The following ANKRD31 variants were observed in gnomAD, a reference collection of about 807,000 sequenced individuals.
ANKRD31 encodes the protein ankyrin repeat domain-containing protein 31.
A neutral mutation model predicts 186.0 loss-of-function variants in ANKRD31; 147 were observed. That is an observed-to-expected ratio of 0.79 (90% CI 0.69 to 0.91). The LOEUF (loss-of-function observed/expected upper bound fraction) is 0.91. ANKRD31 is among the 40% of genes least tolerant of loss of function. The probability of loss-of-function intolerance (pLI) is 0.00; values close to 1 mark genes in which losing one functional copy is unlikely to be tolerated. For synonymous variants in ANKRD31, 673 were observed against 736.4 expected, an observed-to-expected ratio of 0.91 and a Z score of 1.39; for missense variants, 1,986 against 2,148.8, an observed-to-expected ratio of 0.92 and a Z score of 1.50.
At chr5:75,212,448 A>T (rs1453688201) in intron 3 of ANKRD31, among the ~76,000 whole-genome samples, 3 of 152,102 alleles carry the variant, frequency 2.0e-5, no homozygotes, top group African/African-American at 7.2e-5. Context: ...CCCAGTTTCT[A>T]CAAAAACAAA....
At chr5:75,168,633 C>T (rs1344034355) in intron 11 of ANKRD31, among the ~76,000 whole-genome samples, 5 of 152,076 alleles carry the variant, frequency 3.3e-5, no homozygotes, top group Non-Finnish European at 5.9e-5. Flanking sequence ...TGTAAACCTC[C>T]TATCAGGACT....
chr5:75,091,511 T>C, intron 22 of ANKRD31, 110 bp from the exon 23 acceptor site: 2 of 931,884 alleles, frequency 2.1e-6, no homozygotes, highest in South Asian at 4.0e-5. Flanking sequence ...TAACACCTGA[T>C]GTATTTTTGT....
chr5:75,210,489 T>G (rs1756551689), intron 4 of ANKRD31, among the ~76,000 whole-genome samples: 1 of 152,112 alleles, frequency 6.6e-6, no homozygotes, highest in Non-Finnish European at 1.5e-5. Flanking sequence ...TCTTAAGGTA[T>G]AATAAGTTTA....
At chr5:75,139,135 T>C (rs1421852913) in intron 15 of ANKRD31, among the ~76,000 whole-genome samples, 152 bp from the exon 16 acceptor site, 25 of 152,202 alleles carry the variant, frequency 1.6e-4, no homozygotes, top group Admixed American at 1.6e-3. Flanking sequence ...TTTTAATATA[T>C]AATTTCTGAA....
In ANKRD31 at chr5:75,147,014, A is replaced by C; in HGVS notation, c.2397T>G (p.Thr799=). The part of the protein sequence containing the change: ...SSLRNGLDSS[T]EACSVSKEKH... ...TCTCTTTGGAAACTGAACAAGCCTC[A>C]GTACTGCTATCTAATCCATTTCTCA... Residue 799 remains threonine (T), a synonymous_variant, in exon 14 of 26, where the codon ACT becomes ACG. Transcript: ENST00000506364. 1 of 1,536,448 alleles carries C rather than the reference A, an allele frequency of 6.5e-7. No homozygotes were observed.
chr5:75,071,281 ATAT>A (rs1337142047), intron 25 of ANKRD31, among the ~76,000 whole-genome samples: 1 of 147,940 alleles, frequency 6.8e-6, no homozygotes, highest in African/African-American at 2.5e-5. Flanking sequence ...TATTTTAATA[ATAT>A]TTAATATTTT....
chr5:75,236,767 G>T lies in ANKRD31; in HGVS notation c.-81C>A. On this transcript the variant is annotated 5_prime_UTR_variant, in exon 1 of 26. Coordinates refer to ENST00000506364, the MANE Select transcript of ANKRD31 (RefSeq NM_001372053.1). The stretch of plus-strand genomic sequence containing the variant: ...AACAAAAAAACGCTTTGAGGGCCAG[G>T]GGAAATTGTGAATTAAAAATAAAAA... 1.9e-6 allele frequency: 2 copies of T among 1,058,804 alleles called. No individual in the cohort carries two copies. The highest frequency in any genetic ancestry group is 2.7e-6 in the Non-Finnish European group (2 of 744,354). The allele number at this position is 1,058,804 out of a possible 1,614,324, so 65.6% of individuals were successfully genotyped here. A position where few individuals can be genotyped will look rare whatever the true frequency, so the allele number is the denominator to read the frequency against.
At chr5:75,181,650 C>T (rs1478476999) in intron 10 of ANKRD31, among the ~76,000 whole-genome samples, 23 of 148,782 alleles carry the variant, frequency 1.5e-4, no homozygotes, top group Non-Finnish European at 2.8e-4. Context: ...AACCAAACAC[C>T]GCATGTTCTC....
Position 75,079,465 on chromosome 5 carries a change from C to CTT in ANKRD31, c.5647+1101_5647+1102dup, listed in dbSNP as rs5868762. 9.2e-4 allele frequency among the ~76,000 whole-genome samples: 133 copies of CTT among 144,760 alleles called. 1 individual carries two copies. Among genetic ancestry groups the CTT allele is most frequent in the African/African-American group, 2.8e-3 (111 of 39,482 alleles). The allele number at this position is 144,760 out of a possible 152,430, so 95.0% of individuals were successfully genotyped here. On this transcript the variant is annotated intron_variant, in intron 25 of 25. Transcript: ENST00000506364. ...CTGAGAAAATGTGAAAGCCACCACT[C>CTT]TTTTTTTTTTTTTTGAGACAGAGTT...
intron 17 of ANKRD31, among the ~76,000 whole-genome samples, chr5:75,134,642 G>A (rs1370086801): frequency 6.6e-6 from 1 of 152,076 alleles, no homozygotes; most frequent in Non-Finnish European, 1.5e-5. Flanking sequence ...GAAAAAGAGG[G>A]AATCCTCCCT....
intron 20 of ANKRD31, among the ~76,000 whole-genome samples, chr5:75,110,469 T>C (rs915464650): frequency 6.6e-6 from 1 of 151,828 alleles, no homozygotes; most frequent in African/African-American, 2.4e-5. Context: ...CCCAGCACTT[T>C]GGGAGGTCGA....
chr5:75,205,301 G>C (rs1244738957), intron 5 of ANKRD31, among the ~76,000 whole-genome samples: 2 of 152,110 alleles, frequency 1.3e-5, no homozygotes, highest in Non-Finnish European at 2.9e-5. Flanking sequence ...CTAAATTCCT[G>C]GGTTTTTATC....
intron 25 of ANKRD31, among the ~76,000 whole-genome samples, chr5:75,072,637 A>G (rs1349631179): frequency 6.6e-6 from 1 of 152,204 alleles, no homozygotes; most frequent in Non-Finnish European, 1.5e-5. Context: ...ATAATACAGA[A>G]CTTTTGAACT....
intron 19 of ANKRD31, among the ~76,000 whole-genome samples, chr5:75,112,925 T>C (rs889277301): frequency 2.0e-5 from 3 of 152,210 alleles, no homozygotes; most frequent in African/African-American, 7.2e-5. Context: ...TCACATAACA[T>C]TGAAAGTGCA....
chr5:75,196,297 C>A (rs1352062764), intron 6 of ANKRD31, 97 bp from the exon 7 acceptor site: 1 of 999,030 alleles, frequency 1.0e-6, no homozygotes, highest in South Asian at 3.2e-5. Context: ...TGTTTGTAAG[C>A]TACCCTCAAA....
At chr5:75,177,201 T>C (rs1057362433) in intron 10 of ANKRD31, among the ~76,000 whole-genome samples, 1 of 151,844 alleles carries the variant, frequency 6.6e-6, no homozygotes, top group Non-Finnish European at 1.5e-5. Context: ...TAAAAAGAAA[T>C]GAACAAAGCC....
intron 14 of ANKRD31, 37 bp downstream of exon 14, chr5:75,145,950 T>G (rs147458066): frequency 1.9e-4 from 251 of 1,352,482 alleles, no homozygotes; most frequent in Non-Finnish European, 2.3e-4. Flanking sequence ...AGTAAATCTA[T>G]AGGAAATATG....
intron 1 of ANKRD31, among the ~76,000 whole-genome samples, chr5:75,235,566 G>A (rs1758217067): frequency 6.6e-6 from 1 of 152,026 alleles, no homozygotes; most frequent in South Asian, 2.1e-4. Flanking sequence ...GAAGACCAAG[G>A]AAAATGACCC....
intron 20 of ANKRD31, among the ~76,000 whole-genome samples, chr5:75,110,072 G>A (rs1747646087): frequency 6.6e-6 from 1 of 151,958 alleles, no homozygotes; most frequent in Admixed American, 6.6e-5. Flanking sequence ...CCTTCCTTAA[G>A]GGCAGTAAGA....
Sources: allele counts gnomAD v4.1 joint callset (sites outside exome capture counted in the v4.1 genomes callset), GRCh38; gene constraint gnomAD v4.1.1; transcripts MANE v1.5; gene names NCBI Gene and HGNC (gene_info 2026-07-23, HGNC 2026-07-21).